Variants in ELL observed in about 807,000 individuals in gnomAD.
The protein encoded by ELL is RNA polymerase II elongation factor ELL.
Under a neutral mutation model 64.0 loss-of-function variants are expected in ELL, and 18 were observed. That is an observed-to-expected ratio of 0.28 (90% CI 0.19 to 0.42). The LOEUF is 0.42. ELL is among the 10% of genes least tolerant of loss of function. The pLI, the probability that ELL is intolerant of heterozygous loss-of-function variation, is 1.00. For synonymous variants in ELL, 399 were observed against 376.2 expected (o/e 1.06, Z -0.70); for missense variants, 797 against 870.4 (o/e 0.92, Z 1.06).
chr19:18,479,253 T>C (rs1260376481), intron 1 of ELL, among the ~76,000 whole-genome samples: 1 of 152,170 alleles, frequency 6.6e-6, no homozygotes, highest in African/African-American at 2.4e-5. Flanking sequence ...CAGAACCTCC[T>C]GCCCCAAATG....
chr19:18,476,931 C>T (rs1173941060), intron 1 of ELL, among the ~76,000 whole-genome samples: 6 of 152,190 alleles, frequency 3.9e-5, no homozygotes, highest in African/African-American at 7.2e-5. Context: ...TGCGGACCAT[C>T]GGGCAGGGAC....
intron 1 of ELL, among the ~76,000 whole-genome samples, chr19:18,514,752 G>A (rs1308870898): frequency 6.6e-6 from 1 of 152,162 alleles, no homozygotes; most frequent in East Asian, 1.9e-4. Flanking sequence ...CGGGGAGCAA[G>A]ACCCTAAAAC....
chr19:18,500,512 C>T (rs1403540167), intron 1 of ELL, among the ~76,000 whole-genome samples: 1 of 152,218 alleles, frequency 6.6e-6, no homozygotes, highest in Non-Finnish European at 1.5e-5. Context: ...CAGGACCTGG[C>T]ACAGCTTTGT....
intron 11 of ELL, 146 bp downstream of exon 11, chr19:18,445,078 G>A: frequency 1.6e-6 from 2 of 1,216,344 alleles, no homozygotes; most frequent in Admixed American, 1.8e-5. Flanking sequence ...CTTAGCTGGG[G>A]GTGGTGGGGC....
intron 1 of ELL, among the ~76,000 whole-genome samples, chr19:18,512,718 C>A (rs1314231719): frequency 6.6e-6 from 1 of 152,134 alleles, no homozygotes; most frequent in African/African-American, 2.4e-5. Flanking sequence ...ACGAGGAGAG[C>A]AGCTGACACC....
At chr19:18,497,898 G>A (rs1208710418) in intron 1 of ELL, among the ~76,000 whole-genome samples, 1 of 151,878 alleles carries the variant, frequency 6.6e-6, no homozygotes, top group Admixed American at 6.6e-5. Flanking sequence ...GGAGGCTGAG[G>A]AGAGCAGATC....
intron 1 of ELL, among the ~76,000 whole-genome samples, chr19:18,490,715 G>A (rs764843199): frequency 7.9e-4 from 121 of 152,288 alleles, no homozygotes; most frequent in Admixed American, 1.4e-3. Flanking sequence ...TCAGCCGTGA[G>A]CTCTGACGGC....
In ELL at chr19:18,501,566, C is replaced by G. The variant is rs1218508783; in HGVS notation, c.135+20355G>C. Among the ~76,000 whole-genome samples, 1 of 152,174 alleles carries G rather than the reference C, an allele frequency of 6.6e-6. No individual in the cohort carries two copies. The highest frequency in any genetic ancestry group is 1.5e-5 in the Non-Finnish European group (1 of 68,036). On this transcript the variant is annotated intron_variant, in intron 1 of 11. Transcript: ENST00000262809. This position sits in a 1 kb window ranked among gnomAD's most constrained non-coding sequence, Gnocchi z 4.5. Reference sequence around the variant, plus strand: ...GGTCCACGGCACAGCCAGCTCAGAGCCAGGCGGATGAGACGGGGGCCAAGC... The same window carrying G: ...GGTCCACGGCACAGCCAGCTCAGAGGCAGGCGGATGAGACGGGGGCCAAGC...
chr19:18,505,681 G>GGGGAGGGGAGAAGAGGAC (rs879546387), intron 1 of ELL, among the ~76,000 whole-genome samples: 2 of 152,206 alleles, frequency 1.3e-5, no homozygotes, highest in Non-Finnish European at 2.9e-5. Flanking sequence ...GGCACACACA[G>GGGGAGGGGAGAAGAGGAC]GGGAGGGGAG....
At chr19:18,489,211 T>C (rs1000767097) in intron 1 of ELL, among the ~76,000 whole-genome samples, 4 of 152,212 alleles carry the variant, frequency 2.6e-5, no homozygotes, top group Admixed American at 1.3e-4. Flanking sequence ...CTCTGCCAAG[T>C]GTGCTGTGGA....
rs1396461005 is a variant in ELL, at chr19:18,449,672, C to T, written c.1465+805G>A. Among the ~76,000 whole-genome samples, 1 of 152,228 alleles carries T rather than the reference C, an allele frequency of 6.6e-6. No individual in the cohort carries two copies. The highest frequency in any genetic ancestry group is 1.5e-5 in the Non-Finnish European group (1 of 68,036). On this transcript the variant is annotated intron_variant, in intron 8 of 11. Coordinates refer to ENST00000262809, the MANE Select transcript of ELL (RefSeq NM_006532.4). This position sits in a 1 kb window ranked among gnomAD's most constrained non-coding sequence, Gnocchi z 4.4. ...CAGCAGGTGACACCACCTGGGCTGC[C>T]CTGGGCCAGCTGGCGCCGAGAGCGA...
At chr19:18,490,465 G>A (rs1483244597) in intron 1 of ELL, among the ~76,000 whole-genome samples, 3 of 152,286 alleles carry the variant, frequency 2.0e-5, no homozygotes, top group Middle Eastern at 3.4e-3. Flanking sequence ...CCCGCAGCGG[G>A]AGCCCATGGG....
At chr19:18,475,695 T>C (rs1975160417) in intron 1 of ELL, 1 of 152,204 alleles carries the variant, frequency 6.6e-6, no homozygotes, top group African/African-American at 2.4e-5. Flanking sequence ...ACTCCATTTC[T>C]ATAAATCCCC....
intron 1 of ELL, among the ~76,000 whole-genome samples, chr19:18,519,906 C>T (rs940941665): frequency 2.0e-5 from 3 of 151,874 alleles, no homozygotes; most frequent in Non-Finnish European, 4.4e-5. Flanking sequence ...TGAATCACCC[C>T]AAAATATAAT....
chr19:18,474,308 CAT>C (rs1161733936), intron 1 of ELL, among the ~76,000 whole-genome samples: 1 of 152,260 alleles, frequency 6.6e-6, no homozygotes, highest in Non-Finnish European at 1.5e-5. Flanking sequence ...CAGCTGTATA[CAT>C]ATGACATGCA....
Position 18,443,756 on chromosome 19 carries a change from A to AC in ELL, c.*995dup, listed in dbSNP as rs1229237131. 1 of 232,846 alleles carries AC rather than the reference A, an allele frequency of 4.3e-6. No individual in the cohort carries two copies. Among genetic ancestry groups the AC allele is most frequent in the East Asian group, 6.0e-5 (1 of 16,534 alleles). 14.4% of individuals were successfully genotyped at this position (232,846 alleles called of 1,614,324 possible). A position where few individuals can be genotyped will look rare whatever the true frequency, so the allele number is the denominator to read the frequency against. ...CCCATGGGTCCCTGGGGCCTCCCTG[A>AC]CCCCATGGCGCCCAGCCCTCCATCA... On this transcript the variant is annotated 3_prime_UTR_variant, in exon 12 of 12. Coordinates refer to ENST00000262809, the MANE Select transcript of ELL (RefSeq NM_006532.4).
At chr19:18,451,411 G>GT in intron 7 of ELL, 141 bp downstream of exon 7, 1 of 781,724 alleles carries the variant, frequency 1.3e-6, no homozygotes. Context: ...TTCCCCCTTG[G>GT]TCCCTGGGCG....
chr19:18,466,594 G>C (rs530618064), intron 2 of ELL, among the ~76,000 whole-genome samples: 2 of 152,330 alleles, frequency 1.3e-5, no homozygotes, highest in East Asian at 1.9e-4. Context: ...AGGACGGACA[G>C]CCAGGGGCAG....
At chr19:18,516,443 C>A (rs1028506397) in intron 1 of ELL, among the ~76,000 whole-genome samples, 1 of 152,204 alleles carries the variant, frequency 6.6e-6, no homozygotes, top group Non-Finnish European at 1.5e-5. Flanking sequence ...CGTTGACCGC[C>A]GGTGAGTTAC....
Sources: allele counts gnomAD v4.1 joint callset (sites outside exome capture counted in the v4.1 genomes callset), GRCh38; gene constraint gnomAD v4.1.1; non-coding constraint Gnocchi (gnomAD v3.1); transcripts MANE v1.5; gene names NCBI Gene and HGNC (gene_info 2026-07-23, HGNC 2026-07-21).